The following EPB41L4B variants were observed in gnomAD, a reference collection of about 807,000 sequenced individuals.
EPB41L4B encodes band 4.1-like protein 4B.
Under a neutral mutation model 112.5 loss-of-function variants are expected in EPB41L4B, and 30 were observed. The observed-to-expected ratio is 0.27, with a 90% CI of 0.20 to 0.36. The LOEUF is 0.36. Among genes scored for constraint, EPB41L4B ranks in the 10% least tolerant of loss-of-function variants. The pLI is 1.00. For synonymous variants in EPB41L4B, 408 were observed against 439.7 expected (o/e 0.93, Z 0.90); for missense variants, 1,024 against 1,133.3 (o/e 0.90, Z 1.38).
At chr9:109,312,528 C>G (rs1387759885) in intron 1 of EPB41L4B, among the ~76,000 whole-genome samples, 1 of 152,148 alleles carries the variant, frequency 6.6e-6, no homozygotes, top group African/African-American at 2.4e-5. Context: ...CCTCGCCCAG[C>G]TGTGCTGTCA....
At chr9:109,206,001 T>C (rs561430642) in intron 18 of EPB41L4B, among the ~76,000 whole-genome samples, 1 of 152,318 alleles carries the variant, frequency 6.6e-6, no homozygotes, top group East Asian at 1.9e-4. Flanking sequence ...TTGACTTTCA[T>C]GGTATGTTCT....
At chr9:109,181,294 G>A (rs890257330) in intron 24 of EPB41L4B, among the ~76,000 whole-genome samples, 2 of 152,170 alleles carry the variant, frequency 1.3e-5, no homozygotes, top group African/African-American at 4.8e-5. Context: ...GAGCCACTGT[G>A]CCTAGCCTTG....
chr9:109,198,540 G>T (rs1178451772), intron 20 of EPB41L4B, among the ~76,000 whole-genome samples: 1 of 152,160 alleles, frequency 6.6e-6, no homozygotes. Flanking sequence ...TTCGTCCAGA[G>T]ATCCCCCTGC....
rs1342311886 is a variant in EPB41L4B at position 109,194,479 on chromosome 9, G to T, written c.2046-82C>A. 5 of 1,459,918 alleles carry T rather than the reference G, an allele frequency of 3.4e-6. No individual in the cohort carries two copies. In the East Asian group the frequency reaches 1.2e-4, roughly 34 times the overall value. The allele number at this position is 1,459,918 out of a possible 1,614,324, so 90.4% of individuals were successfully genotyped here. The stretch of plus-strand genomic sequence containing the variant: ...AGGAGTGGACGGAGGATGGGCAGGG[G>T]TGGGAAGACCAGGGATGGGGATTGG... On this transcript the variant is annotated intron_variant, in intron 20 of 25. Coordinates refer to ENST00000374566, the MANE Select transcript of EPB41L4B (RefSeq NM_019114.5).
chr9:109,265,290 G>A (rs1198644347), intron 4 of EPB41L4B, among the ~76,000 whole-genome samples: 1 of 152,236 alleles, frequency 6.6e-6, no homozygotes, highest in Middle Eastern at 3.2e-3. Flanking sequence ...ATGGTCCAAT[G>A]ACGGCCTCCA....
intron 24 of EPB41L4B, among the ~76,000 whole-genome samples, chr9:109,177,366 A>G (rs1831879963): frequency 6.6e-6 from 1 of 152,206 alleles, no homozygotes; most frequent in Non-Finnish European, 1.5e-5. Context: ...ACGTGTTTCA[A>G]CAAGACCTCC....
chr9:109,226,298 T>A (rs1258640267), intron 15 of EPB41L4B, among the ~76,000 whole-genome samples: 1 of 152,136 alleles, frequency 6.6e-6, no homozygotes, highest in African/African-American at 2.4e-5. Context: ...CCTCCAGTGA[T>A]GTTTCCAAAA....
At chr9:109,299,094 T>C (rs1178906871) in intron 1 of EPB41L4B, among the ~76,000 whole-genome samples, 1 of 152,062 alleles carries the variant, frequency 6.6e-6, no homozygotes, top group East Asian at 1.9e-4. Flanking sequence ...ACGAGCGAAG[T>C]GGGTTATGAG....
intron 1 of EPB41L4B, among the ~76,000 whole-genome samples, chr9:109,287,518 T>A (rs954227285): frequency 6.6e-6 from 1 of 152,242 alleles, no homozygotes; most frequent in African/African-American, 2.4e-5. Flanking sequence ...GTATACATCC[T>A]ACTTGTGAAG....
At chr9:109,203,552 T>C in intron 19 of EPB41L4B, 111 bp downstream of exon 19, 2 of 906,046 alleles carry the variant, frequency 2.2e-6, no homozygotes, top group Non-Finnish European at 1.7e-6. Context: ...CTATTCTCTG[T>C]TTTATTTGTC....
At chr9:109,243,743 C>G in intron 14 of EPB41L4B, 61 bp from the exon 15 acceptor site, 1 of 1,543,660 alleles carries the variant, frequency 6.5e-7, no homozygotes, top group Non-Finnish European at 9.0e-7. Flanking sequence ...GGTCCTCATT[C>G]GCTTTGTCTG....
intron 2 of EPB41L4B, among the ~76,000 whole-genome samples, chr9:109,276,886 C>T (rs751128960): frequency 9.8e-5 from 15 of 152,292 alleles, no homozygotes; most frequent in East Asian, 5.8e-4. Flanking sequence ...AACTAGAGAA[C>T]GCATTTGCAG....
At position 109,320,484 on chromosome 9, in the gene EPB41L4B, TG is replaced by T; in HGVS notation, c.-39del. The stretch of plus-strand genomic sequence containing the variant: ...CGCCCCCTGCCTCCGCCCCCTGCGC[TG>T]CCGCTGCCGCTGCCGCTGCCGCTGC... On this transcript the variant is annotated 5_prime_UTR_variant, in exon 1 of 26. Transcript: ENST00000374566. 1.3e-6 allele frequency: 1 copy of T among 760,842 alleles called. No homozygotes were observed. The highest frequency in any genetic ancestry group is 1.6e-6 in the Non-Finnish European group (1 of 630,160). The allele number at this position is 760,842 out of a possible 1,614,324, so 47.1% of individuals were successfully genotyped here. A position where few individuals can be genotyped will look rare whatever the true frequency, so the allele number is the denominator to read the frequency against.
At position 109,192,410 on chromosome 9, in the gene EPB41L4B, G is replaced by A; in HGVS notation, c.2224-55C>T. 5 of 1,399,520 alleles carry A rather than the reference G, an allele frequency of 3.6e-6. No homozygotes were observed. The South Asian group carries it at 6.6e-5, about 19-fold the overall frequency. 86.7% of individuals were successfully genotyped at this position (1,399,520 alleles called of 1,614,324 possible). A position where few individuals can be genotyped will look rare whatever the true frequency, so the allele number is the denominator to read the frequency against. On this transcript the variant is annotated intron_variant, in intron 21 of 25. Transcript: ENST00000374566. ...GAGACGGCACTGCATTGATGATAAAGTTCACCAGAAAAGACAGGCAGAGGT... is the reference window on the plus strand; with the variant it reads ...GAGACGGCACTGCATTGATGATAAAATTCACCAGAAAAGACAGGCAGAGGT...
intron 15 of EPB41L4B, among the ~76,000 whole-genome samples, chr9:109,243,185 C>A (rs1588164558): frequency 1.0e-5 from 1 of 95,436 alleles, no homozygotes; most frequent in African/African-American, 4.1e-5. Context: ...CCACAAAAAG[C>A]AAACTCATTC....
At chr9:109,282,732 C>T (rs912207303) in intron 1 of EPB41L4B, among the ~76,000 whole-genome samples, 9 of 152,112 alleles carry the variant, frequency 5.9e-5, no homozygotes, top group Non-Finnish European at 1.2e-4. Flanking sequence ...CTCTTGTCGC[C>T]CAGCCTGGAG....
At chr9:109,186,329 A>G (rs1436062982) in intron 22 of EPB41L4B, among the ~76,000 whole-genome samples, 1 of 152,058 alleles carries the variant, frequency 6.6e-6, no homozygotes, top group Non-Finnish European at 1.5e-5. Flanking sequence ...CTGGGACTAC[A>G]GGTATGCACC....
At chr9:109,206,651 T>C (rs954280171) in intron 18 of EPB41L4B, among the ~76,000 whole-genome samples, 2 of 152,226 alleles carry the variant, frequency 1.3e-5, no homozygotes, top group Admixed American at 6.5e-5. Context: ...AGGCTGCATT[T>C]AGGGTCACAG....
At chr9:109,199,246 T>C (rs1210945382) in intron 20 of EPB41L4B, among the ~76,000 whole-genome samples, 2 of 152,190 alleles carry the variant, frequency 1.3e-5, no homozygotes, top group African/African-American at 4.8e-5. Context: ...TTTTCATGGA[T>C]ATGCCGTGGA....
Sources: gnomAD v4.1 joint callset for allele counts (sites outside exome capture counted in the v4.1 genomes callset) on GRCh38, gnomAD v4.1.1 for gene constraint, MANE v1.5 for transcripts, NCBI Gene and HGNC (gene_info 2026-07-23, HGNC 2026-07-21) for gene names.